Variants in FBXL17 observed in about 807,000 individuals in gnomAD.
FBXL17 encodes F-box and leucine rich repeat protein 17.
FBXL17 carries 22 observed loss-of-function variants against 66.2 expected under a neutral mutation model. The ratio of observed to expected loss-of-function variants is 0.33; its 90% confidence interval spans 0.24 to 0.47. FBXL17 has a LOEUF of 0.47. Ranked by LOEUF, FBXL17 falls within the 20% of genes least tolerant of loss-of-function variation. The pLI is 1.00. For missense variants in FBXL17, 878 were observed against 948.2 expected (o/e 0.93, Z 0.97); for synonymous variants, 474 against 400.5 (o/e 1.18, Z -2.19).
At chr5:107,879,419 T>C (rs772353872) in intron 8 of FBXL17, 54 of 985,310 alleles carry the variant, frequency 5.5e-5, no homozygotes, top group African/African-American at 3.5e-5. Context: ...GGCATTAGGT[T>C]GGTTAGTGGA....
At chr5:107,983,695 C>T (rs1037654378) in intron 7 of FBXL17, among the ~76,000 whole-genome samples, 7 of 152,170 alleles carry the variant, frequency 4.6e-5, no homozygotes, top group Middle Eastern at 3.2e-3. Flanking sequence ...AAAGTCAGAA[C>T]ACCTAAGCCA....
chr5:108,356,810 T>A (rs1407922586), intron 3 of FBXL17, among the ~76,000 whole-genome samples: 1 of 152,054 alleles, frequency 6.6e-6, no homozygotes, highest in Non-Finnish European at 1.5e-5. Flanking sequence ...AACCCTAACA[T>A]AAATTATGGG....
chr5:108,050,309 T>G (rs949069899), intron 6 of FBXL17, among the ~76,000 whole-genome samples: 2 of 152,178 alleles, frequency 1.3e-5, no homozygotes, highest in Admixed American at 6.5e-5. Context: ...GACCACAAAT[T>G]GGAAGTAAAG....
intron 6 of FBXL17, among the ~76,000 whole-genome samples, chr5:108,128,754 T>G (rs988042175): frequency 2.0e-5 from 3 of 152,108 alleles, no homozygotes; most frequent in Non-Finnish European, 4.4e-5. Context: ...CACTCAACAC[T>G]AGCTAAAGAA....
At chr5:107,936,512 C>T (rs983258773) in intron 7 of FBXL17, among the ~76,000 whole-genome samples, 1 of 152,074 alleles carries the variant, frequency 6.6e-6, no homozygotes, top group African/African-American at 2.4e-5. Flanking sequence ...AATTATTCTT[C>T]CTCCCCTTGC....
intron 4 of FBXL17, among the ~76,000 whole-genome samples, chr5:108,225,685 T>C (rs1473815447): frequency 6.6e-6 from 1 of 152,232 alleles, no homozygotes; most frequent in Admixed American, 6.5e-5. Flanking sequence ...AAATTTCTAT[T>C]GTTTAAGCCA....
At chr5:108,199,953 T>A (rs1753823175) in intron 5 of FBXL17, among the ~76,000 whole-genome samples, 1 of 151,078 alleles carries the variant, frequency 6.6e-6, no homozygotes, top group Non-Finnish European at 1.5e-5. Flanking sequence ...ACCACCAGCA[T>A]CCCAAAGCTG....
At chr5:108,279,447 A>G (rs955906049) in intron 4 of FBXL17, among the ~76,000 whole-genome samples, 1 of 152,118 alleles carries the variant, frequency 6.6e-6, no homozygotes, top group African/African-American at 2.4e-5. Context: ...AATGCTATTT[A>G]GCTAAAATAA....
At chr5:108,348,336 A>ATTTATAC (rs1747411319) in intron 4 of FBXL17, 63 bp downstream of exon 4, 1 of 1,414,440 alleles carries the variant, frequency 7.1e-7, no homozygotes, top group Non-Finnish European at 9.6e-7. Flanking sequence ...TTATAAATAA[A>ATTTATAC]CTTGAAAGAA....
At chr5:107,897,448 T>C (rs1749420893) in intron 7 of FBXL17, among the ~76,000 whole-genome samples, 1 of 152,026 alleles carries the variant, frequency 6.6e-6, no homozygotes, top group African/African-American at 2.4e-5. Context: ...GCCTGGATAA[T>C]GACAACCCTT....
chr5:108,300,581 T>C (rs567833299), intron 4 of FBXL17, among the ~76,000 whole-genome samples: 31 of 151,948 alleles, frequency 2.0e-4, no homozygotes, highest in African/African-American at 7.5e-4. Context: ...CTGGAAAGTT[T>C]AACCATGTTT....
At chr5:107,878,608 A>T (rs1209471422) in intron 8 of FBXL17, 6 of 984,794 alleles carry the variant, frequency 6.1e-6, no homozygotes, top group Non-Finnish European at 7.2e-6. Flanking sequence ...TTTCTTTGTT[A>T]CTCATATCTT....
intron 7 of FBXL17, among the ~76,000 whole-genome samples, chr5:107,979,920 A>G (rs1041051695): frequency 5.3e-5 from 8 of 152,250 alleles, no homozygotes; most frequent in African/African-American, 1.9e-4. Context: ...TAAGAAATAA[A>G]TAAATAATCC....
chr5:107,948,343 C>G (rs538483070), intron 7 of FBXL17, among the ~76,000 whole-genome samples: 1 of 152,136 alleles, frequency 6.6e-6, no homozygotes, highest in Non-Finnish European at 1.5e-5. Context: ...AATTCAGCAT[C>G]GTGTGACTGA....
chr5:108,009,194 C>CATAT lies in FBXL17; in HGVS notation c.1822+11727_1822+11730dup, dbSNP rs373679985. ...GTATGAACATAGTTCATTTGAAAAG[C>CATAT]ATATATATATATATATATATATATA... On this transcript the variant is annotated intron_variant, in intron 7 of 8. Coordinates refer to ENST00000542267, the MANE Select transcript of FBXL17 (RefSeq NM_001163315.3). 3.9e-3 allele frequency among the ~76,000 whole-genome samples: 212 copies of CATAT among 54,108 alleles called. 2 individuals carry two copies. The highest frequency in any genetic ancestry group is 0.014 in the East Asian group (14 of 1,014). The allele number at this position is 54,108 out of a possible 152,430, so 35.5% of individuals were successfully genotyped here.
Position 108,174,850 on chromosome 5 carries a change from T to C in FBXL17, c.1745+11267A>G, listed in dbSNP as rs1476465196. Among the ~76,000 whole-genome samples the C allele has an allele frequency of 2.6e-5, 4 of 151,990 alleles. No homozygotes were observed. The East Asian group carries it at 7.7e-4, about 29-fold the overall frequency. ...GGCAAAGTTTCTGGTTCCTCACTTC[T>C]TCACTCAAAGTATTCCAAAGTCCCT... is the stretch of plus-strand genomic sequence containing the variant. On this transcript the variant is annotated intron_variant, in intron 6 of 8. Coordinates refer to ENST00000542267, the MANE Select transcript of FBXL17 (RefSeq NM_001163315.3).
chr5:107,954,692 G>A (rs1345668588), intron 7 of FBXL17, among the ~76,000 whole-genome samples: 1 of 152,182 alleles, frequency 6.6e-6, no homozygotes, highest in Non-Finnish European at 1.5e-5. Flanking sequence ...ATTTTAAAAG[G>A]AGAGATGAAT....
intron 4 of FBXL17, among the ~76,000 whole-genome samples, chr5:108,340,330 C>T (rs1022676640): frequency 3.3e-5 from 5 of 150,946 alleles, no homozygotes; most frequent in East Asian, 2.0e-4. Flanking sequence ...GCAGGAGAAT[C>T]GCTTGAGCCC....
intron 4 of FBXL17, among the ~76,000 whole-genome samples, chr5:108,264,258 C>G (rs17161191): frequency 0.013 from 1,858 of 142,630 alleles, 32 homozygotes; most frequent in African/African-American, 0.043. Flanking sequence ...CTTTAAACGT[C>G]TCTTTTGAAT....
Sources: gnomAD v4.1 joint callset for allele counts (sites outside exome capture counted in the v4.1 genomes callset) on GRCh38, gnomAD v4.1.1 for gene constraint, MANE v1.5 for transcripts, NCBI Gene and HGNC (gene_info 2026-07-23, HGNC 2026-07-21) for gene names.